The following SPTBN2 variants were observed in gnomAD, a reference collection of about 807,000 sequenced individuals.
SPTBN2 encodes spectrin beta chain, non-erythrocytic 2.
SPTBN2 carries 107 observed loss-of-function variants against 284.2 expected under a neutral mutation model. The ratio of observed to expected loss-of-function variants is 0.38; its 90% CI spans 0.32 to 0.44. The LOEUF (loss-of-function observed/expected upper bound fraction) is 0.44, where lower values mean the gene tolerates loss of function less well. Ranked by LOEUF, SPTBN2 falls within the 20% of genes least tolerant of loss-of-function variation. The pLI is 1.00. For synonymous variants in SPTBN2, 1,289 were observed against 1,354.8 expected, an observed-to-expected ratio of 0.95 and a Z score of 1.07; for missense variants, 2,569 against 3,287.1, an observed-to-expected ratio of 0.78 and a Z score of 5.34.
upstream of SPTBN2, among the ~76,000 whole-genome samples, chr11:66,732,897 C>T (rs1415796658): frequency 4.0e-5 from 6 of 149,890 alleles, no homozygotes; most frequent in East Asian, 2.0e-4. Context: ...GCCCAGGAGA[C>T]GGAGGCTACA....
chr11:66,690,317 G>A (rs755389777), intron 27 of SPTBN2, 34 bp from the exon 28 acceptor site: 1 of 1,565,050 alleles, frequency 6.4e-7, no homozygotes, highest in South Asian at 1.2e-5. Context: ...AGGCAGAGCG[G>A]GGGACTCCAA....
chr11:66,711,120 C>A, intron 8 of SPTBN2, 91 bp from the exon 9 acceptor site: 1 of 977,028 alleles, frequency 1.0e-6, no homozygotes, highest in South Asian at 1.3e-5. Context: ...CCCAGTCCTC[C>A]AAGGCTGACA....
rs1333503788 is a variant in SPTBN2 at position 66,687,518 on chromosome 11, G to A, written c.6631C>T (p.Arg2211Ter). 3.1e-6 allele frequency: 5 copies of A among 1,611,986 alleles called. No individual in the cohort carries two copies. Among genetic ancestry groups the A allele is most frequent in the Non-Finnish European group, 3.4e-6 (4 of 1,180,000 alleles). The change falls in exon 35 of 38, where the codon CGA (arginine) becomes TGA (stop). Residue 2211 changes from arginine (R) to a stop codon, truncating the protein, a stop_gained. Coordinates refer to ENST00000533211, the MANE Select transcript of SPTBN2 (RefSeq NM_006946.4). LOFTEE classifies it high-confidence loss of function. This position sits in a 1 kb window ranked among gnomAD's most constrained non-coding sequence, Gnocchi z 5.2. ...TCCTGGGCAGATGGCTCTGGGCCTC[G>A]AGGCGGCAGGGTGGCAGCATGGGCT... ...ESAHAATLPP[R>*]GPEPSAQEQM...
At position 66,705,354 on chromosome 11, in the gene SPTBN2, C is replaced by T. The variant is rs553463768; in HGVS notation, c.1922G>A (p.Arg641Gln). The change falls in exon 15 of 38, where the codon CGG becomes CAG. Residue 641 changes from arginine (R) to glutamine (Q), a missense_variant. Around this residue, in one of 6 missense-constraint regions of SPTBN2, gnomAD observed 1,012 missense variants for 1,248.9 expected, o/e 0.81. Coordinates refer to ENST00000533211, the MANE Select transcript of SPTBN2 (RefSeq NM_006946.4). Reference protein sequence around the residue: ...AARRARLEESRRLWRFLWEVG... With the variant: ...AARRARLEESQRLWRFLWEVG... ...CTCCCAGAGGAAACGCCAGAGCCGC[C>T]GTGATTCCTCCAGCCGGGCCCGCCG... 98 of 1,611,828 alleles carry T rather than the reference C, an allele frequency of 6.1e-5. No individual in the cohort carries two copies. Among genetic ancestry groups the T allele is most frequent in the East Asian group, 1.3e-4 (6 of 44,870 alleles).
Position 66,704,878 on chromosome 11 carries a change from G to T in SPTBN2, c.2398C>A (p.Arg800=). The T allele has an allele frequency of 6.2e-7, 1 of 1,610,882 alleles. No homozygotes were observed. The highest frequency in any genetic ancestry group is 1.3e-5 in the African/African-American group (1 of 75,062). Residue 800 remains arginine, a synonymous_variant, in exon 15 of 38, where the codon CGG becomes AGG. Coordinates refer to ENST00000533211, the MANE Select transcript of SPTBN2 (RefSeq NM_006946.4). ...RALEEEIRSH[R]PTLDALREQA... ...TCCCTCAAGGCGTCCAGGGTTGGCC[G>T]GTGGCTTCGAATCTCCTCCTCCAGG...
In SPTBN2 at chr11:66,698,013, T is replaced by C. The variant is rs551115289; in HGVS notation, c.4014+626A>G. ...CTCGCAGACTGTTGAGCACGTACCA[T>C]GTTCTGTAGGGATACTTGCTGAGCA... On this transcript the variant is annotated intron_variant, in intron 20 of 37. Transcript: ENST00000533211. Among the ~76,000 whole-genome samples the C allele has an allele frequency of 3.3e-5, 5 of 152,256 alleles. No homozygotes were observed. In the South Asian group the frequency reaches 8.3e-4, roughly 25 times the overall value.
upstream of SPTBN2, among the ~76,000 whole-genome samples, chr11:66,732,651 CA>C (rs58620927): frequency 0.55 from 41,695 of 75,882 alleles, 8,565 homozygotes; most frequent in South Asian, 0.7. Flanking sequence ...CTCTGTCTCT[CA>C]AAAAAAAAAA....
At chr11:66,717,705 C>A (rs1433888117) in intron 3 of SPTBN2, among the ~76,000 whole-genome samples, 1 of 152,186 alleles carries the variant, frequency 6.6e-6, no homozygotes, top group Non-Finnish European at 1.5e-5. Flanking sequence ...TGGGGTGAGG[C>A]CATTTTGGCA....
chr11:66,692,732 A>T lies in SPTBN2; in HGVS notation c.4994T>A (p.Ile1665Lys), dbSNP rs1434971520. ...GTCCACCTGGGCTTGGCGGATGGATATCCGAGTGCTGCAAGAAGAGTGAGG... is the reference window on the plus strand; with the variant it reads ...GTCCACCTGGGCTTGGCGGATGGATTTCCGAGTGCTGCAAGAAGAGTGAGG... ...IDHEHPESTR[I>K]SIRQAQVDKL... The change falls in exon 26 of 38, where the codon ATA (isoleucine) becomes AAA (lysine). Residue 1665 changes from isoleucine to lysine, a missense_variant. Physicochemically the swap from Ile to Lys is moderately radical, Grantham distance 102. Coordinates refer to ENST00000533211, the MANE Select transcript of SPTBN2 (RefSeq NM_006946.4). The T allele has an allele frequency of 6.2e-7, 1 of 1,601,780 alleles. No homozygotes were observed. Among genetic ancestry groups the T allele is most frequent in the Non-Finnish European group, 8.5e-7 (1 of 1,179,926 alleles).
intron 1 of SPTBN2, among the ~76,000 whole-genome samples, chr11:66,722,391 C>A (rs181348342): frequency 6.6e-6 from 1 of 151,336 alleles, no homozygotes; most frequent in Admixed American, 6.6e-5. Flanking sequence ...CTGGCTAACA[C>A]GGTGAAACCC....
intron 8 of SPTBN2, among the ~76,000 whole-genome samples, chr11:66,712,546 CAAA>C (rs529073727): frequency 1.6e-5 from 2 of 126,486 alleles, no homozygotes; most frequent in Non-Finnish European, 1.7e-5. Flanking sequence ...GACTCCGTCT[CAAA>C]AAAAAAAAAA....
Position 66,708,822 on chromosome 11 carries a change from G to A in SPTBN2, c.1191+80C>T. 1 of 1,173,878 alleles carries A rather than the reference G, an allele frequency of 8.5e-7. No individual in the cohort carries two copies. 72.7% of individuals were successfully genotyped at this position (1,173,878 alleles called of 1,614,324 possible). The stretch of plus-strand genomic sequence containing the variant: ...GTAGAACTTGGTGAAGGTCGACATG[G>A]CCCCGGGTTTGGGGATGTGTGCAAG... On this transcript the variant is annotated intron_variant, in intron 11 of 37. Coordinates refer to ENST00000533211, the MANE Select transcript of SPTBN2 (RefSeq NM_006946.4). The surrounding 1 kb of genome is among the most constrained non-coding windows in gnomAD (Gnocchi z 4.4).
rs777432034 is a variant in SPTBN2 at position 66,710,725 on chromosome 11, G to C, written c.930C>G (p.Tyr310Ter). 1 of 1,614,168 alleles carries C rather than the reference G, an allele frequency of 6.2e-7. No individual in the cohort carries two copies. Among genetic ancestry groups the C allele is most frequent in the Non-Finnish European group, 8.5e-7 (1 of 1,180,032 alleles). ...GCAGCAGCTCCGAGGCCAGGGACTC[G>C]TATTTCTCCACCAGGCGCTCTGCCT... ...AMEAERLVEK[Y>*]ESLASELLQW... The change falls in exon 10 of 38, where the codon TAC (tyrosine) becomes TAG (stop). Residue 310 changes from tyrosine (Y) to a stop codon, truncating the protein, a stop_gained. Coordinates refer to ENST00000533211, the MANE Select transcript of SPTBN2 (RefSeq NM_006946.4). LOFTEE classifies it high-confidence loss of function. This position sits in a 1 kb window ranked among gnomAD's most constrained non-coding sequence, Gnocchi z 4.9.
intron 1 of SPTBN2, among the ~76,000 whole-genome samples, chr11:66,736,654 A>C (rs1942852604): frequency 6.6e-6 from 1 of 152,240 alleles, no homozygotes; most frequent in Non-Finnish European, 1.5e-5. Flanking sequence ...CATCTGCTTA[A>C]AATAAATTTT....
chr11:66,712,324 G>A lies in SPTBN2; in HGVS notation c.773-1295C>T, dbSNP rs993555919. ...AGCGCATTGGGAGGCCGAGGTGGGC[G>A]GACCACGAGGTCAGGAGTTAGAGAC... On this transcript the variant is annotated intron_variant, in intron 8 of 37. Coordinates refer to ENST00000533211, the MANE Select transcript of SPTBN2 (RefSeq NM_006946.4). 7.2e-5 allele frequency among the ~76,000 whole-genome samples: 11 copies of A among 152,286 alleles called. No individual in the cohort carries two copies. The South Asian group carries it at 8.3e-4, about 11-fold the overall frequency.
intron 15 of SPTBN2, among the ~76,000 whole-genome samples, chr11:66,703,972 C>CTTTTTTTTTTTTTTT (rs11286358): frequency 9.1e-6 from 1 of 109,754 alleles, no homozygotes; most frequent in African/African-American, 3.2e-5. Flanking sequence ...TATTTCTTTT[C>CTTTTTTTTTTTTTTT]TTTTTTTTTT....
Position 66,698,777 on chromosome 11 carries a change from G to C in SPTBN2, c.3876C>G (p.Leu1292=), listed in dbSNP as rs1941079833. 1 of 1,613,578 alleles carries C rather than the reference G, an allele frequency of 6.2e-7. No homozygotes were observed. The highest frequency in any genetic ancestry group is 8.5e-7 in the Non-Finnish European group (1 of 1,180,048). The part of the protein sequence containing the change: ...HFLQDCHELK[L]WIDEKMLTAQ... ...CTGTCAGCATCTTCTCGTCGATCCA[G>C]AGCTTCAGCTGGACCAAACATAAAA... Residue 1292 remains leucine, a synonymous_variant, in exon 20 of 38, where the codon CTC becomes CTG. Coordinates refer to ENST00000533211, the MANE Select transcript of SPTBN2 (RefSeq NM_006946.4).
In SPTBN2 at chr11:66,701,298, A is replaced by G. The variant is rs1941234497; in HGVS notation, c.2817-16T>C. On this transcript the variant is annotated splice_polypyrimidine_tract_variant and intron_variant, in intron 16 of 37. Transcript: ENST00000533211. ...CTGCTGCCACCTGAGAGCAGGGGGA[A>G]GGTTCAGCTTCCTGCCCTGGCCAGG... 1 of 1,610,758 alleles carries G rather than the reference A, an allele frequency of 6.2e-7. No individual in the cohort carries two copies. Among genetic ancestry groups the G allele is most frequent in the South Asian group, 1.1e-5 (1 of 91,048 alleles).
At chr11:66,743,946 C>T (rs540433396) in intron 1 of SPTBN2, among the ~76,000 whole-genome samples, 242 of 152,216 alleles carry the variant, frequency 1.6e-3, no homozygotes, top group African/African-American at 5.4e-3. Context: ...CTGCAACCTC[C>T]GCCTCCCAGG....
Sources: gnomAD v4.1 joint callset for allele counts (sites outside exome capture counted in the v4.1 genomes callset) on GRCh38, gnomAD v4.1.1 for gene constraint, gnomAD v4.1.1 regional missense constraint, Gnocchi (gnomAD v3.1) non-coding constraint, MANE v1.5 for transcripts, NCBI Gene and HGNC (gene_info 2026-07-23, HGNC 2026-07-21) for gene names.